Variants in MIER1 observed in about 807,000 individuals in gnomAD.
MIER1 encodes the protein mesoderm induction early response protein 1.
MIER1 carries 40 observed loss-of-function variants against 75.7 expected under a neutral mutation model. The ratio of observed to expected loss-of-function variants is 0.53; its 90% confidence interval spans 0.41 to 0.69. The LOEUF (loss-of-function observed/expected upper bound fraction) is 0.69. Among genes scored for constraint, MIER1 ranks in the 30% least tolerant of loss-of-function variants. The pLI is 0.00. For synonymous variants in MIER1, 213 were observed against 223.4 expected, an observed-to-expected ratio of 0.95 and a Z score of 0.42; for missense variants, 574 against 680.2, an observed-to-expected ratio of 0.84 and a Z score of 1.74.
chr1:66,926,830 A>G (rs1331188577), intron 2 of MIER1, among the ~76,000 whole-genome samples: 2 of 151,942 alleles, frequency 1.3e-5, no homozygotes, highest in Non-Finnish European at 2.9e-5. Context: ...CAGTCAGCTA[A>G]CCCCAGAGTC....
At chr1:66,939,943 T>C (rs1215556795) in intron 2 of MIER1, 85 bp from the exon 3 acceptor site, 2 of 1,068,184 alleles carry the variant, frequency 1.9e-6, no homozygotes, top group South Asian at 1.3e-5. Context: ...TTTGGCATCA[T>C]AGTAGTCATT....
At chr1:66,925,497 ATCCCCGGGAGGC>A in intron 1 of MIER1, 1 of 985,314 alleles carries the variant, frequency 1.0e-6, no homozygotes, top group Non-Finnish European at 1.2e-6. Flanking sequence ...CTTGTGTCCC[ATCCCCGGGAGGC>A]TCTCGCTTGC....
intron 12 of MIER1, among the ~76,000 whole-genome samples, chr1:66,977,387 G>A (rs557021771): frequency 6.6e-6 from 1 of 152,222 alleles, no homozygotes; most frequent in Admixed American, 6.5e-5. Flanking sequence ...TGGGATTACA[G>A]GAGTGAGCCA....
chr1:66,952,333 AG>A (rs1246510607), intron 4 of MIER1, among the ~76,000 whole-genome samples: 1 of 152,232 alleles, frequency 6.6e-6, no homozygotes, highest in Non-Finnish European at 1.5e-5. Flanking sequence ...GGTGACTGAC[AG>A]GCCCTGGTAC....
intron 3 of MIER1, among the ~76,000 whole-genome samples, chr1:66,943,271 C>T (rs550297899): frequency 1.3e-5 from 2 of 152,180 alleles, no homozygotes; most frequent in East Asian, 3.9e-4. Flanking sequence ...AAATTGTGCT[C>T]CTATGGAACC....
intron 3 of MIER1, among the ~76,000 whole-genome samples, chr1:66,943,024 A>G (rs1322466452): frequency 6.6e-6 from 1 of 152,308 alleles, no homozygotes; most frequent in Non-Finnish European, 1.5e-5. Flanking sequence ...TCTAATTACA[A>G]TTATATTCTG....
intron 11 of MIER1, among the ~76,000 whole-genome samples, chr1:66,975,629 G>T (rs914663683): frequency 6.6e-6 from 1 of 152,172 alleles, no homozygotes; most frequent in South Asian, 2.1e-4. Flanking sequence ...CCTACCACCA[G>T]TTCTCCCGGC....
intron 4 of MIER1, chr1:66,946,758 A>G: frequency 1.0e-6 from 1 of 985,670 alleles, no homozygotes; most frequent in African/African-American, 1.7e-5. Context: ...CAAGGTGACC[A>G]GTGAACTTTC....
At chr1:66,955,995 A>T (rs1468003198) in intron 4 of MIER1, among the ~76,000 whole-genome samples, 1 of 152,222 alleles carries the variant, frequency 6.6e-6, no homozygotes, top group African/African-American at 2.4e-5. Flanking sequence ...ACTTCTAAAG[A>T]TCTAATGAAA....
intron 4 of MIER1, among the ~76,000 whole-genome samples, chr1:66,952,408 G>A (rs980163032): frequency 2.0e-5 from 3 of 152,002 alleles, no homozygotes; most frequent in African/African-American, 4.8e-5. Flanking sequence ...GGGAAATAAC[G>A]GAATATTTGC....
intron 3 of MIER1, among the ~76,000 whole-genome samples, chr1:66,941,722 A>G (rs922635494): frequency 6.6e-5 from 10 of 152,114 alleles, no homozygotes; most frequent in African/African-American, 2.4e-4. Flanking sequence ...TGTAATCCCA[A>G]CACTTTGGGA....
intron 8 of MIER1, among the ~76,000 whole-genome samples, chr1:66,965,191 T>C (rs1662129593): frequency 6.6e-6 from 1 of 152,206 alleles, no homozygotes; most frequent in Non-Finnish European, 1.5e-5. Flanking sequence ...TGTGCCAAAA[T>C]AAATGATCTG....
At chr1:66,954,279 C>A (rs558291456) in intron 4 of MIER1, among the ~76,000 whole-genome samples, 5 of 152,166 alleles carry the variant, frequency 3.3e-5, no homozygotes, top group Non-Finnish European at 5.9e-5. Flanking sequence ...CTAAATACTT[C>A]CAGAGTGTCA....
chr1:66,941,421 T>C (rs1253704661), intron 3 of MIER1, among the ~76,000 whole-genome samples: 1 of 152,190 alleles, frequency 6.6e-6, no homozygotes, highest in Non-Finnish European at 1.5e-5. Flanking sequence ...CATGGAATTA[T>C]TTCCGATTTT....
rs780310886 is a variant in MIER1, at chr1:66,958,903, A to G, written c.554A>G (p.Asn185Ser). 8.8e-5 allele frequency: 141 copies of G among 1,611,124 alleles called. No individual in the cohort carries two copies. Among genetic ancestry groups the G allele is most frequent in the Non-Finnish European group, 1.2e-4 (136 of 1,177,582 alleles). The part of the protein sequence containing the change: ...SGQEDETQSS[N>S]DDPSQSVASQ... Reference sequence around the variant, plus strand: ...CAGGAGGATGAAACTCAGTCTTCCAATGATGATCCATCACAATCTGTTGCT... The same window carrying G: ...CAGGAGGATGAAACTCAGTCTTCCAGTGATGATCCATCACAATCTGTTGCT... Residue 185 changes from asparagine (N) to serine (S), a missense_variant, in exon 6 of 14, where the codon AAT (asparagine) becomes AGT (serine). Asn to Ser is a conservative substitution (Grantham distance 46, BLOSUM62 1). Transcript: ENST00000401041.
chr1:66,958,359 C>G, intron 5 of MIER1, 139 bp downstream of exon 5: 1 of 560,388 alleles, frequency 1.8e-6, no homozygotes, highest in Admixed American at 3.7e-5. Flanking sequence ...TACAGAAATA[C>G]ATAATATAAA....
chr1:66,937,295 G>A (rs888395864), intron 2 of MIER1, among the ~76,000 whole-genome samples: 1 of 152,098 alleles, frequency 6.6e-6, no homozygotes, highest in African/African-American at 2.4e-5. Context: ...TTGAAAATGT[G>A]TAGCACTGGG....
rs547695056 is a variant in MIER1, at chr1:66,959,802, C to A, written c.699+59C>A. 262 of 774,358 alleles carry A rather than the reference C, an allele frequency of 3.4e-4. 2 individuals are homozygous for A. Among genetic ancestry groups the A allele is most frequent in the Middle Eastern group, 1.5e-3 (5 of 3,350 alleles). The allele number at this position is 774,358 out of a possible 1,614,324, so 48.0% of individuals were successfully genotyped here. ...AAATTAATATTTTTTTAAAAAGCCT[C>A]GTGTAATTATTTTTTTTTTTACTAA... On this transcript the variant is annotated intron_variant, in intron 7 of 13. Coordinates refer to ENST00000401041, the MANE Select transcript of MIER1 (RefSeq NM_001077700.3).
intron 11 of MIER1, among the ~76,000 whole-genome samples, chr1:66,975,775 C>T (rs887501617): frequency 9.2e-5 from 14 of 152,086 alleles, no homozygotes; most frequent in African/African-American, 3.4e-4. Flanking sequence ...AAAGCATTAG[C>T]ATTATTATGA....
Sources: allele counts gnomAD v4.1 joint callset (sites outside exome capture counted in the v4.1 genomes callset), GRCh38; gene constraint gnomAD v4.1.1; transcripts MANE v1.5; gene names NCBI Gene and HGNC (gene_info 2026-07-23, HGNC 2026-07-21).